Variants in EDIL3 observed in about 807,000 individuals in gnomAD.
The protein encoded by EDIL3 is EGF-like repeat and discoidin I-like domain-containing protein 3.
EDIL3 carries 37 observed loss-of-function variants against 67.4 expected under a neutral mutation model. The observed-to-expected ratio is 0.55, with a 90% CI of 0.42 to 0.72. The LOEUF (loss-of-function observed/expected upper bound fraction) is 0.72. Ranked by LOEUF, EDIL3 falls within the 30% of genes least tolerant of loss-of-function variation. EDIL3 has a pLI of 0.00. For missense variants in EDIL3, 527 were observed against 586.3 expected (o/e 0.90, Z 1.04); for synonymous variants, 195 against 196.3 (o/e 0.99, Z 0.05).
intron 1 of EDIL3, among the ~76,000 whole-genome samples, chr5:84,283,988 T>C (rs1370250499): frequency 6.6e-6 from 1 of 152,020 alleles, no homozygotes; most frequent in East Asian, 1.9e-4. Flanking sequence ...ATCCTTTTCA[T>C]ATTCTACCTC....
intron 9 of EDIL3, among the ~76,000 whole-genome samples, chr5:84,036,910 C>A (rs1746031816): frequency 6.6e-6 from 1 of 152,168 alleles, no homozygotes; most frequent in Non-Finnish European, 1.5e-5. Flanking sequence ...TGAGCTCCAT[C>A]TCATTCAAAA....
Position 83,987,021 on chromosome 5 carries a change from T to G in EDIL3, c.1138-23661A>C, listed in dbSNP as rs77531728. Among the ~76,000 whole-genome samples the G allele has an allele frequency of 4.6e-3, 706 of 152,218 alleles. 3 individuals carry two copies. Among genetic ancestry groups the G allele is most frequent in the Non-Finnish European group, 8.1e-3 (548 of 68,002 alleles). The stretch of plus-strand genomic sequence containing the variant: ...AGTCTAAGGAATGGAGATTTTAACT[T>G]AAATGTGCCATATTAAAAATAAAGG... On this transcript the variant is annotated intron_variant, in intron 9 of 10. Transcript: ENST00000296591.
At chr5:84,285,004 C>T (rs997759870) in intron 1 of EDIL3, among the ~76,000 whole-genome samples, 7 of 152,148 alleles carry the variant, frequency 4.6e-5, no homozygotes, top group Admixed American at 6.6e-5. Flanking sequence ...ACAAAACAAA[C>T]ATCTGTCACA....
chr5:84,196,194 A>C (rs1743700252), intron 3 of EDIL3, among the ~76,000 whole-genome samples: 1 of 151,978 alleles, frequency 6.6e-6, no homozygotes, highest in African/African-American at 2.4e-5. Flanking sequence ...TACTTTGCAA[A>C]AAAAATATAA....
At chr5:84,346,137 T>TTC (rs1214711487) in intron 1 of EDIL3, among the ~76,000 whole-genome samples, 5 of 144,308 alleles carry the variant, frequency 3.5e-5, no homozygotes, top group East Asian at 2.0e-4. Context: ...TTTTTTTTCT[T>TTC]TTTTTTTTTT....
intron 9 of EDIL3, among the ~76,000 whole-genome samples, chr5:84,020,076 C>A (rs76693533): frequency 4.9e-3 from 631 of 128,140 alleles, no homozygotes; most frequent in Middle Eastern, 0.014. Flanking sequence ...ATCTTTTGTA[C>A]AAAAAAAAAA....
chr5:84,001,622 C>T (rs1745333250), intron 9 of EDIL3, among the ~76,000 whole-genome samples: 2 of 152,084 alleles, frequency 1.3e-5, no homozygotes, highest in African/African-American at 2.4e-5. Flanking sequence ...ACAACTGCCA[C>T]TGCAGAAATT....
At chr5:84,040,930 G>A (rs1404036659) in intron 9 of EDIL3, among the ~76,000 whole-genome samples, 3 of 152,096 alleles carry the variant, frequency 2.0e-5, no homozygotes, top group Admixed American at 2.0e-4. Context: ...TCAAGAGTTC[G>A]AGACCAGCCT....
At chr5:84,108,180 A>G (rs895341632) in intron 5 of EDIL3, among the ~76,000 whole-genome samples, 4 of 151,852 alleles carry the variant, frequency 2.6e-5, no homozygotes, top group African/African-American at 9.7e-5. Flanking sequence ...GCCAAATTAT[A>G]ATATTTTTGA....
At chr5:84,301,508 C>T (rs185725513) in intron 1 of EDIL3, among the ~76,000 whole-genome samples, 101 of 152,260 alleles carry the variant, frequency 6.6e-4, no homozygotes, top group African/African-American at 2.3e-3. Context: ...TGCTTGCTAT[C>T]ATGGGCGAAA....
chr5:84,094,659 T>C (rs1258144592), intron 6 of EDIL3, among the ~76,000 whole-genome samples: 1 of 152,206 alleles, frequency 6.6e-6, no homozygotes, highest in East Asian at 1.9e-4. Flanking sequence ...TAGTTCTTTT[T>C]TTGTAGCATT....
At chr5:84,214,347 C>T (rs1182469681) in intron 3 of EDIL3, among the ~76,000 whole-genome samples, 1 of 152,008 alleles carries the variant, frequency 6.6e-6, no homozygotes, top group Admixed American at 6.6e-5. Flanking sequence ...TCAGATGTTC[C>T]AGTATCTTAT....
intron 1 of EDIL3, among the ~76,000 whole-genome samples, chr5:84,287,952 C>T (rs908497587): frequency 1.3e-5 from 2 of 152,094 alleles, no homozygotes; most frequent in Middle Eastern, 3.2e-3. Context: ...AAATAGTCTT[C>T]TTGGCTTTAA....
chr5:84,208,400 C>A (rs1744033242), intron 3 of EDIL3, among the ~76,000 whole-genome samples: 3 of 151,982 alleles, frequency 2.0e-5, no homozygotes, highest in Admixed American at 2.0e-4. Flanking sequence ...AGGAAACAGG[C>A]CAGGCGCGGT....
At chr5:84,139,173 G>A (rs934514049) in intron 4 of EDIL3, among the ~76,000 whole-genome samples, 1 of 151,884 alleles carries the variant, frequency 6.6e-6, no homozygotes, top group Non-Finnish European at 1.5e-5. Flanking sequence ...GAAGGCTGAG[G>A]TTGCAGTGAG....
intron 2 of EDIL3, among the ~76,000 whole-genome samples, chr5:84,238,221 T>C (rs1744716345): frequency 6.6e-6 from 1 of 152,122 alleles, no homozygotes; most frequent in Non-Finnish European, 1.5e-5. Context: ...CAAACATGAC[T>C]TTTTACCATT....
At chr5:84,051,619 C>T (rs1746340627) in intron 9 of EDIL3, among the ~76,000 whole-genome samples, 2 of 152,112 alleles carry the variant, frequency 1.3e-5, no homozygotes, top group Admixed American at 1.3e-4. Context: ...CTTAAAGGAC[C>T]TGATGGAGCT....
intron 9 of EDIL3, among the ~76,000 whole-genome samples, chr5:84,057,261 G>A (rs937256867): frequency 3.3e-5 from 5 of 152,058 alleles, no homozygotes; most frequent in African/African-American, 1.2e-4. Context: ...GTGATAGATG[G>A]AGGCTCACAC....
intron 1 of EDIL3, among the ~76,000 whole-genome samples, chr5:84,382,349 C>T (rs1748095328): frequency 6.6e-6 from 1 of 152,164 alleles, no homozygotes; most frequent in South Asian, 2.1e-4. Flanking sequence ...AGACAGAGCT[C>T]CTGGCTGCAG....
Sources: gnomAD v4.1 joint callset for allele counts (sites outside exome capture counted in the v4.1 genomes callset) on GRCh38, gnomAD v4.1.1 for gene constraint, MANE v1.5 for transcripts, NCBI Gene and HGNC (gene_info 2026-07-23, HGNC 2026-07-21) for gene names.